The following VCPIP1 variants were observed in gnomAD, a reference collection of about 807,000 sequenced individuals.
VCPIP1 encodes deubiquitinating protein VCPIP1.
In VCPIP1, 8 loss-of-function variants were observed where a neutral mutation model predicts 85.0. The ratio of observed to expected loss-of-function variants is 0.09; its 90% CI spans 0.06 to 0.17. VCPIP1 has a LOEUF of 0.17. Among genes scored for constraint, VCPIP1 ranks in the 10% least tolerant of loss-of-function variants. The pLI, the probability that VCPIP1 is intolerant of heterozygous loss-of-function variation, is 1.00. For missense variants in VCPIP1, 1,070 were observed against 1,486.3 expected (o/e 0.72, Z 4.61); for synonymous variants, 543 against 544.5 (o/e 1.00, Z 0.04).
At chr8:66,635,876 G>A (rs1399887308) in intron 2 of VCPIP1, among the ~76,000 whole-genome samples, 2 of 135,708 alleles carry the variant, frequency 1.5e-5, no homozygotes, top group African/African-American at 5.7e-5. Flanking sequence ...TTGCGGCACT[G>A]CACTCCAGCC....
intron 1 of VCPIP1, among the ~76,000 whole-genome samples, chr8:66,662,708 A>AG (rs1811169062): frequency 1.3e-5 from 2 of 151,688 alleles, no homozygotes; most frequent in South Asian, 2.1e-4. Context: ...TTTGAGACAG[A>AG]GTCTCGCTCT....
At position 66,635,057 on chromosome 8, in the gene VCPIP1, T is replaced by C. The variant is rs777394427; in HGVS notation, c.3113A>G (p.Asn1038Ser). 2 of 1,614,118 alleles carry C rather than the reference T, an allele frequency of 1.2e-6. No individual in the cohort carries two copies. Among genetic ancestry groups the C allele is most frequent in the Non-Finnish European group, 1.7e-6 (2 of 1,179,976 alleles). Residue 1038 changes from asparagine to serine, a missense_variant, in exon 3 of 3, where the codon AAC (asparagine) becomes AGC (serine). Physicochemically the swap from Asn to Ser is conservative, Grantham distance 46. Around this residue, in one of 8 missense-constraint regions of VCPIP1, gnomAD observed 255 missense variants for 289.5 expected, o/e 0.88. Coordinates refer to ENST00000310421, the MANE Select transcript of VCPIP1 (RefSeq NM_025054.5). Reference protein sequence around the residue: ...KGHSLGTASGNPHLDPRARET... With the variant: ...KGHSLGTASGSPHLDPRARET... ...CCTAGCTCTTGGATCAAGGTGTGGGTTACCAGATGCAGTTCCTAAAGAATG... is the reference window on the plus strand; with the variant it reads ...CCTAGCTCTTGGATCAAGGTGTGGGCTACCAGATGCAGTTCCTAAAGAATG...
At chr8:66,652,164 C>A (rs1424818140) in intron 1 of VCPIP1, among the ~76,000 whole-genome samples, 2 of 152,154 alleles carry the variant, frequency 1.3e-5, no homozygotes, top group Non-Finnish European at 2.9e-5. Context: ...GCACTCTACC[C>A]TGCGTGACAA....
rs1433854236 is a variant in VCPIP1 at position 66,633,459 on chromosome 8, T to C, written c.*1042A>G. 31 of 152,342 alleles carry C rather than the reference T, an allele frequency of 2.0e-4. No homozygotes were observed. In the Admixed American group the frequency reaches 2.0e-3, roughly 10 times the overall value. 9.4% of individuals were successfully genotyped at this position (152,342 alleles called of 1,614,324 possible). On this transcript the variant is annotated 3_prime_UTR_variant, in exon 3 of 3. Coordinates refer to ENST00000310421, the MANE Select transcript of VCPIP1 (RefSeq NM_025054.5). Reference sequence around the variant, plus strand: ...TTCTCAAGGAAACTGGCACTGAAGATTTGATGAATACACTAAGCAAATACC... The same window carrying C: ...TTCTCAAGGAAACTGGCACTGAAGACTTGATGAATACACTAAGCAAATACC...
chr8:66,636,329 T>A (rs1222518490), intron 2 of VCPIP1, among the ~76,000 whole-genome samples: 1 of 151,736 alleles, frequency 6.6e-6, no homozygotes, highest in Non-Finnish European at 1.5e-5. Context: ...AGAATCATAG[T>A]TCCACACATG....
chr8:66,664,680 G>C lies in VCPIP1; in HGVS notation c.2279C>G (p.Ala760Gly). 6.2e-7 allele frequency: 1 copy of C among 1,613,640 alleles called. No homozygotes were observed. The highest frequency in any genetic ancestry group is 8.5e-7 in the Non-Finnish European group (1 of 1,179,784). The change falls in exon 1 of 3, where the codon GCT (alanine) becomes GGT (glycine). Residue 760 changes from alanine to glycine, a missense_variant. By Grantham distance (60) the Ala-to-Gly change is moderately conservative. Around this residue, in one of 8 missense-constraint regions of VCPIP1, gnomAD observed 278 missense variants for 298.5 expected, o/e 0.93. Coordinates refer to ENST00000310421, the MANE Select transcript of VCPIP1 (RefSeq NM_025054.5). ...TGAATAGGGAGCCTTGGTAGGTGTA[G>C]CAGGTGCAGAGGATGGACCATCACG... ...TIRDGPSSAP[A>G]TPTKAPYSPT...
At chr8:66,654,892 G>C (rs1380171202) in intron 1 of VCPIP1, among the ~76,000 whole-genome samples, 4 of 152,186 alleles carry the variant, frequency 2.6e-5, no homozygotes, top group Non-Finnish European at 2.9e-5. Context: ...CTTTTCCATG[G>C]CATACAAGGC....
intron 1 of VCPIP1, among the ~76,000 whole-genome samples, chr8:66,661,694 C>A (rs1168994547): frequency 6.6e-6 from 1 of 151,260 alleles, no homozygotes; most frequent in African/African-American, 2.4e-5. Flanking sequence ...TGAGATCGCG[C>A]CACTGCATTC....
rs752697782 is a variant in VCPIP1, at chr8:66,664,547, T to G, written c.2412A>C (p.Ile804=). ...STTFFELQES[I]AREFNIPPYL... is the part of the protein sequence containing the mutation. ...ATGGAGGAATGTTGAATTCTCTGGCTATACTTTCCTGAAGTTCAAAAAAGG... is the reference window on the plus strand; with the variant it reads ...ATGGAGGAATGTTGAATTCTCTGGCGATACTTTCCTGAAGTTCAAAAAAGG... Residue 804 remains isoleucine, a synonymous_variant, in exon 1 of 3, where the codon ATA becomes ATC. Coordinates refer to ENST00000310421, the MANE Select transcript of VCPIP1 (RefSeq NM_025054.5). The G allele has an allele frequency of 1.9e-5, 31 of 1,614,112 alleles. No individual in the cohort carries two copies. The East Asian group carries it at 6.9e-4, about 36-fold the overall frequency.
chr8:66,636,276 T>C (rs1005054580), intron 2 of VCPIP1, among the ~76,000 whole-genome samples: 1 of 150,550 alleles, frequency 6.6e-6, no homozygotes, highest in East Asian at 1.9e-4. Context: ...TGCAGGTGTT[T>C]CCAGATTGCT....
At chr8:66,658,575 G>A (rs910429632) in intron 1 of VCPIP1, among the ~76,000 whole-genome samples, 4 of 151,712 alleles carry the variant, frequency 2.6e-5, no homozygotes, top group East Asian at 1.9e-4. Flanking sequence ...TACAACCTCC[G>A]CCTCCTGGGT....
Position 66,638,445 on chromosome 8 carries a change from CCA to C in VCPIP1, c.2798-3075_2798-3074del, listed in dbSNP as rs1479535747. ...GAGGCTGCAGGAAGTTGTGATCATACCACTGCGCTCCAGCCTGAGAGTAAAAC... is the reference window on the plus strand; with the variant it reads ...GAGGCTGCAGGAAGTTGTGATCATACCTGCGCTCCAGCCTGAGAGTAAAAC... On this transcript the variant is annotated intron_variant, in intron 2 of 2. Transcript: ENST00000310421. Among the ~76,000 whole-genome samples the C allele has an allele frequency of 2.7e-5, 4 of 149,366 alleles. No homozygotes were observed. The South Asian group carries it at 8.4e-4, about 31-fold the overall frequency.
At chr8:66,647,667 G>GT (rs1436142530) in intron 2 of VCPIP1, among the ~76,000 whole-genome samples, 59 of 152,014 alleles carry the variant, frequency 3.9e-4, no homozygotes, top group Non-Finnish European at 2.9e-4. Context: ...CTTTTCAGGT[G>GT]TATGACTCAT....
chr8:66,635,204 T>G lies in VCPIP1; in HGVS notation c.2966A>C (p.Glu989Ala), dbSNP rs1329447229. The G allele has an allele frequency of 1.9e-6, 3 of 1,614,076 alleles. No individual in the cohort carries two copies. The highest frequency in any genetic ancestry group is 3.3e-5 in the Admixed American group (2 of 59,992). Residue 989 changes from glutamate (E) to alanine (A), a missense_variant, in exon 3 of 3, where the codon GAG (glutamate) becomes GCG (alanine). By Grantham distance (107) the Glu-to-Ala change is moderately radical. Coordinates refer to ENST00000310421, the MANE Select transcript of VCPIP1 (RefSeq NM_025054.5). ...TGATTCCCTACTTCTTGTAGTAGCC[T>G]CTGCTCGAACCTGACTTACAGCCTC... ...VKEAVSQVRA[E>A]ATTRSRESSP... is the part of the protein sequence containing the mutation.
intron 1 of VCPIP1, among the ~76,000 whole-genome samples, chr8:66,655,424 A>T (rs1213590324): frequency 2.0e-5 from 3 of 152,210 alleles, no homozygotes; most frequent in Admixed American, 6.5e-5. Flanking sequence ...GTGATGAGGA[A>T]AGGGCTCTAC....
intron 1 of VCPIP1, among the ~76,000 whole-genome samples, chr8:66,657,325 T>C (rs557944553): frequency 6.6e-6 from 1 of 152,232 alleles, no homozygotes; most frequent in African/African-American, 2.4e-5. Flanking sequence ...CAATTCAAAA[T>C]TTTTTAATAA....
chr8:66,650,860 C>CAAAAAAA (rs770736039), intron 2 of VCPIP1, among the ~76,000 whole-genome samples: 4 of 13,928 alleles, frequency 2.9e-4, no homozygotes, highest in Non-Finnish European at 4.4e-4. Flanking sequence ...GACTTCGTCT[C>CAAAAAAA]AAAAAAAAAA....
chr8:66,649,690 T>C (rs1332956770), intron 2 of VCPIP1, among the ~76,000 whole-genome samples: 1 of 152,096 alleles, frequency 6.6e-6, no homozygotes, highest in East Asian at 1.9e-4. Context: ...GGGCCTGGGA[T>C]TGAGGAGAGT....
rs776035976 is a variant in VCPIP1, at chr8:66,665,556, T to C, written c.1403A>G (p.Lys468Arg). Residue 468 changes from lysine (K) to arginine (R), a missense_variant, in exon 1 of 3, where the codon AAA becomes AGA. By Grantham distance (26) the Lys-to-Arg change is conservative. Coordinates refer to ENST00000310421, the MANE Select transcript of VCPIP1 (RefSeq NM_025054.5). The surrounding 1 kb of genome is among the most constrained non-coding windows in gnomAD (Gnocchi z 4.3). ...AGAAAGGGCACCACAGAGCAAACAT[T>C]TGTGAAGGCGATTATCCATTACTGC... is the stretch of plus-strand genomic sequence containing the variant. Reference protein sequence around the residue: ...KKAVMDNRLHKCLLCGALSEL... With the variant: ...KKAVMDNRLHRCLLCGALSEL... 1.5e-5 allele frequency: 25 copies of C among 1,614,020 alleles called. No homozygotes were observed. In the East Asian group the frequency reaches 4.0e-4, roughly 26 times the overall value.
Sources: gnomAD v4.1 joint callset for allele counts (sites outside exome capture counted in the v4.1 genomes callset) on GRCh38, gnomAD v4.1.1 for gene constraint, gnomAD v4.1.1 regional missense constraint, Gnocchi (gnomAD v3.1) non-coding constraint, MANE v1.5 for transcripts, NCBI Gene and HGNC (gene_info 2026-07-23, HGNC 2026-07-21) for gene names.